The following CCDC88C variants were observed in gnomAD, a reference collection of about 807,000 sequenced individuals.
The protein encoded by CCDC88C is protein Daple.
In CCDC88C, 131 loss-of-function variants were observed where a neutral mutation model predicts 198.8. The ratio of observed to expected loss-of-function variants is 0.66; its 90% CI spans 0.57 to 0.76. The LOEUF is 0.76. Ranked by LOEUF, CCDC88C falls within the 30% of genes least tolerant of loss-of-function variation. CCDC88C has a pLI of 0.00. For synonymous variants in CCDC88C, 1,166 were observed against 1,114.7 expected (o/e 1.05, Z -0.92); for missense variants, 2,553 against 2,631.6 (o/e 0.97, Z 0.65).
rs1210021625 is a variant in CCDC88C, at chr14:91,338,218, C to A, written c.892-55G>T. Reference sequence around the variant, plus strand: ...AGCTTAGGGCATCCTCTAGGAAGGGCAGAAAGGCCATTGCCCTTCTGCATG... The same window carrying A: ...AGCTTAGGGCATCCTCTAGGAAGGGAAGAAAGGCCATTGCCCTTCTGCATG... On this transcript the variant is annotated intron_variant, in intron 9 of 29. Transcript: ENST00000389857. The surrounding 1 kb of genome is among the most constrained non-coding windows in gnomAD (Gnocchi z 4.8). The A allele has an allele frequency of 6.3e-7, 1 of 1,592,228 alleles. No homozygotes were observed.
intron 6 of CCDC88C, chr14:91,342,109 T>A: frequency 2.8e-6 from 1 of 361,026 alleles, no homozygotes; most frequent in Non-Finnish European, 5.1e-6. Flanking sequence ...TGAGTCCATA[T>A]AAGGCAAAAA....
chr14:91,388,182 C>T (rs1885261445), intron 3 of CCDC88C, among the ~76,000 whole-genome samples: 1 of 152,238 alleles, frequency 6.6e-6, no homozygotes, highest in Admixed American at 6.5e-5. Flanking sequence ...GATATCCCCA[C>T]TGTGCTGCGG....
At chr14:91,290,362 A>T (rs1890607847) in intron 24 of CCDC88C, among the ~76,000 whole-genome samples, 1 of 152,264 alleles carries the variant, frequency 6.6e-6, no homozygotes, top group Non-Finnish European at 1.5e-5. Context: ...CTGGATTCCC[A>T]GAGAGACCTC....
chr14:91,333,440 G>C (rs533580287), intron 10 of CCDC88C, among the ~76,000 whole-genome samples: 88 of 152,214 alleles, frequency 5.8e-4, no homozygotes, highest in African/African-American at 2.0e-3. Flanking sequence ...TGTGTTCTTG[G>C]TTATCAAAAT....
intron 6 of CCDC88C, among the ~76,000 whole-genome samples, chr14:91,340,374 G>A (rs931472908): frequency 1.1e-4 from 17 of 152,252 alleles, no homozygotes; most frequent in African/African-American, 4.1e-4. Context: ...GTGAGAGGGT[G>A]AGGAAAGGGA....
chr14:91,396,067 C>T (rs941921682), intron 3 of CCDC88C, among the ~76,000 whole-genome samples: 1 of 152,190 alleles, frequency 6.6e-6, no homozygotes, highest in African/African-American at 2.4e-5. Flanking sequence ...AATTATATCG[C>T]GACAATTACA....
At chr14:91,345,190 A>ATATATATTTTTTTTTT (rs1246878587) in intron 4 of CCDC88C, among the ~76,000 whole-genome samples, 4 of 52,198 alleles carry the variant, frequency 7.7e-5, no homozygotes, top group African/African-American at 1.6e-4. Flanking sequence ...ATATATATAT[A>ATATATATTTTTTTTTT]TTTTTTTTTT....
At chr14:91,358,271 G>C (rs1373136010) in intron 4 of CCDC88C, among the ~76,000 whole-genome samples, 1 of 152,162 alleles carries the variant, frequency 6.6e-6, no homozygotes, top group Non-Finnish European at 1.5e-5. Context: ...GGATGGCCAG[G>C]CTGCAGTGAG....
intron 3 of CCDC88C, among the ~76,000 whole-genome samples, chr14:91,366,042 T>C (rs891865413): frequency 6.6e-6 from 1 of 152,160 alleles, no homozygotes; most frequent in African/African-American, 2.4e-5. Context: ...AGAGCAAGTT[T>C]CCCCAGCATT....
chr14:91,318,449 C>A (rs1331906499), intron 13 of CCDC88C, among the ~76,000 whole-genome samples: 2 of 152,180 alleles, frequency 1.3e-5, no homozygotes, highest in Non-Finnish European at 1.5e-5. Flanking sequence ...TGCTGCCCTG[C>A]ACCAGAAGAT....
At chr14:91,279,438 G>T in intron 27 of CCDC88C, 132 bp from the exon 28 acceptor site, 3 of 682,142 alleles carry the variant, frequency 4.4e-6, no homozygotes, top group Non-Finnish European at 7.3e-6. Context: ...GGAAGGAGGA[G>T]CTCTGGGACT....
rs780862698 is a variant in CCDC88C at position 91,273,337 on chromosome 14, T to G, written c.5375A>C (p.His1792Pro). 6.5e-7 allele frequency: 1 copy of G among 1,547,062 alleles called. No homozygotes were observed. Among genetic ancestry groups the G allele is most frequent in the Non-Finnish European group, 8.7e-7 (1 of 1,144,250 alleles). ...PRQAPVPPAS[H>P]APASRSASLS... The stretch of plus-strand genomic sequence containing the variant: ...GGAGGCACTGCGGCTGGCAGGTGCA[T>G]GGGAAGCTGGGGGCACCGGAGCCTG... The change falls in exon 30 of 30, where the codon CAT (histidine) becomes CCT (proline). Residue 1792 changes from histidine (H) to proline (P), a missense_variant. By Grantham distance (77) the His-to-Pro change is moderately conservative. Coordinates refer to ENST00000389857, the MANE Select transcript of CCDC88C (RefSeq NM_001080414.4). This position sits in a 1 kb window ranked among gnomAD's most constrained non-coding sequence, Gnocchi z 5.6.
chr14:91,338,787 T>C lies in CCDC88C; in HGVS notation c.810-217A>G. On this transcript the variant is annotated intron_variant, in intron 8 of 29. Coordinates refer to ENST00000389857, the MANE Select transcript of CCDC88C (RefSeq NM_001080414.4). This position sits in a 1 kb window ranked among gnomAD's most constrained non-coding sequence, Gnocchi z 4.8. Reference sequence around the variant, plus strand: ...AACACCGGCCCTTAAACTATGTCCATCCGCCACTCAGGTCTCCCTCCCTGT... The same window carrying C: ...AACACCGGCCCTTAAACTATGTCCACCCGCCACTCAGGTCTCCCTCCCTGT... The C allele has an allele frequency of 1.8e-6, 1 of 556,874 alleles. No homozygotes were observed. The highest frequency in any genetic ancestry group is 3.2e-6 in the Non-Finnish European group (1 of 309,692). The allele number at this position is 556,874 out of a possible 1,614,324, so 34.5% of individuals were successfully genotyped here.
At chr14:91,387,263 T>C (rs1454471262) in intron 3 of CCDC88C, among the ~76,000 whole-genome samples, 6 of 152,210 alleles carry the variant, frequency 3.9e-5, no homozygotes, top group Non-Finnish European at 8.8e-5. Context: ...GGGGCTGAGC[T>C]GTGTTACTGA....
chr14:91,276,865 T>C (rs1889987114), intron 29 of CCDC88C, among the ~76,000 whole-genome samples: 1 of 152,078 alleles, frequency 6.6e-6, no homozygotes, highest in African/African-American at 2.4e-5. Flanking sequence ...TGGCAGGAGG[T>C]TGTCAACAGG....
Position 91,352,093 on chromosome 14 carries a change from A to C in CCDC88C, c.340+7549T>G, listed in dbSNP as rs1340470609. Among the ~76,000 whole-genome samples the C allele has an allele frequency of 1.3e-5, 2 of 152,210 alleles. No homozygotes were observed. Among genetic ancestry groups the C allele is most frequent in the Non-Finnish European group, 2.9e-5 (2 of 68,028 alleles). ...ACGCTCTGGGAAAGGGTCCCTCCCAACCACCACGTGGAAAACTCAAACATA... is the reference window on the plus strand; with the variant it reads ...ACGCTCTGGGAAAGGGTCCCTCCCACCCACCACGTGGAAAACTCAAACATA... On this transcript the variant is annotated intron_variant, in intron 4 of 29. Transcript: ENST00000389857. This position sits in a 1 kb window ranked among gnomAD's most constrained non-coding sequence, Gnocchi z 4.2.
chr14:91,324,910 T>C lies in CCDC88C; in HGVS notation c.1211A>G (p.Asp404Gly). The stretch of plus-strand genomic sequence containing the variant: ...CAGCAGCTCCTCAATTCGTTTCTTA[T>C]CTGTGTCCCGGTCCTGGGGCAAGCA... ...LHDLELDRDTDKKRIEELLEE... is the reference protein window; with the variant it reads ...LHDLELDRDTGKKRIEELLEE... The change falls in exon 12 of 30, where the codon GAT becomes GGT. Residue 404 changes from aspartate to glycine, a missense_variant. By Grantham distance (94) the Asp-to-Gly change is moderately conservative. This residue lies in a region of CCDC88C where 1,260 missense variants were observed against 1,412.0 expected (regional missense o/e 0.89). Coordinates refer to ENST00000389857, the MANE Select transcript of CCDC88C (RefSeq NM_001080414.4). 1.2e-6 allele frequency: 2 copies of C among 1,613,716 alleles called. No individual in the cohort carries two copies. The highest frequency in any genetic ancestry group is 1.7e-6 in the Non-Finnish European group (2 of 1,179,892).
intron 3 of CCDC88C, chr14:91,379,872 A>G (rs1012276215): frequency 1.1e-5 from 8 of 702,828 alleles, no homozygotes; most frequent in Admixed American, 8.0e-5. Context: ...TAGTTACCGG[A>G]AAAAGGGTCT....
At chr14:91,314,749 A>G (rs1470904462) in intron 14 of CCDC88C, among the ~76,000 whole-genome samples, 4 of 152,218 alleles carry the variant, frequency 2.6e-5, no homozygotes, top group Non-Finnish European at 4.4e-5. Flanking sequence ...GCTGTGAGCA[A>G]CATCTGGGCA....
Sources: gnomAD v4.1 joint callset for allele counts (sites outside exome capture counted in the v4.1 genomes callset) on GRCh38, gnomAD v4.1.1 for gene constraint, gnomAD v4.1.1 regional missense constraint, Gnocchi (gnomAD v3.1) non-coding constraint, MANE v1.5 for transcripts, NCBI Gene and HGNC (gene_info 2026-07-23, HGNC 2026-07-21) for gene names.